Variants in PITX3 observed in about 807,000 individuals in gnomAD.
PITX3 encodes the protein paired like homeodomain 3.
PITX3 carries 4 observed loss-of-function variants against 14.2 expected under a neutral mutation model. The ratio of observed to expected loss-of-function variants is 0.28; its 90% CI spans 0.14 to 0.65. PITX3 has a LOEUF of 0.65. PITX3 is among the 30% of genes least tolerant of loss of function. PITX3 has a pLI of 0.82. For synonymous variants in PITX3, 194 were observed against 204.5 expected, an observed-to-expected ratio of 0.95 and a Z score of 0.44; for missense variants, 358 against 426.8, an observed-to-expected ratio of 0.84 and a Z score of 1.42.
intron 1 of PITX3, among the ~76,000 whole-genome samples, chr10:102,239,890 G>A (rs749854379): frequency 3.9e-5 from 6 of 152,172 alleles, no homozygotes; most frequent in Admixed American, 2.0e-4. Flanking sequence ...TGTTAGGTAG[G>A]GCCAAGATAT....
rs2070204776 is a variant in PITX3 at position 102,230,644 on chromosome 10, C to T, written c.779G>A (p.Cys260Tyr). Reference sequence around the variant, plus strand: ...CCGCAGGCTGGCCAGGCTCGAGTTACACGGGTCCCGATAGACGTAGGGGGA... The same window carrying T: ...CCGCAGGCTGGCCAGGCTCGAGTTATACGGGTCCCGATAGACGTAGGGGGA... ...ASSPYVYRDP[C>Y]NSSLASLRLK... is the part of the protein sequence containing the mutation. The change falls in exon 4 of 4, where the codon TGT becomes TAT. Residue 260 changes from cysteine to tyrosine, a missense_variant. Around this residue, in one of 3 missense-constraint regions of PITX3, gnomAD observed 236 missense variants for 250.2 expected, o/e 0.94. Coordinates refer to ENST00000370002, the MANE Select transcript of PITX3 (RefSeq NM_005029.4). 2 of 1,603,598 alleles carry T rather than the reference C, an allele frequency of 1.2e-6. No homozygotes were observed. Among genetic ancestry groups the T allele is most frequent in the Admixed American group, 1.7e-5 (1 of 58,056 alleles).
At position 102,238,197 on chromosome 10, in the gene PITX3, G is replaced by A. The variant is rs181130355; in HGVS notation, c.-13+3136C>T. Reference sequence around the variant, plus strand: ...ATTCTTTTCATGAGTCCCTGGCAGTGGCCATGGACACCCTAGACACCCCAA... The same window carrying A: ...ATTCTTTTCATGAGTCCCTGGCAGTAGCCATGGACACCCTAGACACCCCAA... On this transcript the variant is annotated intron_variant, in intron 1 of 3. Coordinates refer to ENST00000370002, the MANE Select transcript of PITX3 (RefSeq NM_005029.4). Among the ~76,000 whole-genome samples, 592 of 152,248 alleles carry A rather than the reference G, an allele frequency of 3.9e-3. 3 individuals are homozygous for A. Among genetic ancestry groups the A allele is most frequent in the Non-Finnish European group, 6.5e-3 (442 of 68,022 alleles).
intron 1 of PITX3, among the ~76,000 whole-genome samples, chr10:102,236,620 CAGGGAGGCCACAGT>C: frequency 6.6e-6 from 1 of 152,244 alleles, no homozygotes; most frequent in East Asian, 1.9e-4. Context: ...GATCCCAGGC[CAGGGAGGCCACAGT>C]GGGGAGGCCA....
At position 102,236,989 on chromosome 10, in the gene PITX3, C is replaced by T. The variant is rs138356086; in HGVS notation, c.-13+4344G>A. ...CTGCAGTGTGCAAATGGGAGCAAAT[C>T]GAGACACATTTGCAGCAAAGATTTG... is the stretch of plus-strand genomic sequence containing the variant. On this transcript the variant is annotated intron_variant, in intron 1 of 3. Transcript: ENST00000370002. Among the ~76,000 whole-genome samples the T allele has an allele frequency of 1.4e-4, 22 of 152,278 alleles. No individual in the cohort carries two copies. The East Asian group carries it at 3.9e-3, about 27-fold the overall frequency.
chr10:102,230,659 A>G lies in PITX3; in HGVS notation c.764T>C (p.Val255Ala). The change falls in exon 4 of 4, where the codon GTC (valine) becomes GCC (alanine). Residue 255 changes from valine (V) to alanine (A), a missense_variant. Val to Ala is a moderately conservative substitution (Grantham distance 64, BLOSUM62 0). Coordinates refer to ENST00000370002, the MANE Select transcript of PITX3 (RefSeq NM_005029.4). ...AAAAAASSPY[V>A]YRDPCNSSLA... ...GCTCGAGTTACACGGGTCCCGATAGACGTAGGGGGAAGAGGCGGCAGCCGC... is the reference window on the plus strand; with the variant it reads ...GCTCGAGTTACACGGGTCCCGATAGGCGTAGGGGGAAGAGGCGGCAGCCGC... 6.3e-7 allele frequency: 1 copy of G among 1,597,318 alleles called. No homozygotes were observed. The highest frequency in any genetic ancestry group is 8.5e-7 in the Non-Finnish European group (1 of 1,172,706).
rs1248201643 is a variant in PITX3 at position 102,231,675 on chromosome 10, C to G, written c.234G>C (p.Glu78Asp). The change falls in exon 3 of 4, where the codon GAG becomes GAC. Residue 78 changes from glutamate to aspartate, a missense_variant. Transcript: ENST00000370002. ...GGTAGCGGTTCCTCTGGAAGGTCGCCTCTAGCTCCTGTAGCTGCTGGCTGG... is the reference window on the plus strand; with the variant it reads ...GGTAGCGGTTCCTCTGGAAGGTCGCGTCTAGCTCCTGTAGCTGCTGGCTGG... ...HFTSQQLQEL[E>D]ATFQRNRYPD... 6.2e-7 allele frequency: 1 copy of G among 1,612,358 alleles called. No homozygotes were observed.
At chr10:102,233,524 G>A (rs372757931) in intron 1 of PITX3, among the ~76,000 whole-genome samples, 11 of 152,026 alleles carry the variant, frequency 7.2e-5, no homozygotes, top group East Asian at 3.9e-4. Flanking sequence ...GGCTGGTCTC[G>A]AACTCCTCAT....
At chr10:102,237,578 C>A (rs1331642318) in intron 1 of PITX3, among the ~76,000 whole-genome samples, 1 of 151,902 alleles carries the variant, frequency 6.6e-6, no homozygotes, top group East Asian at 1.9e-4. Flanking sequence ...GAGCAACAGC[C>A]CTGAATAAAG....
chr10:102,232,149 T>A, intron 1 of PITX3, 57 bp from the exon 2 acceptor site: 1 of 969,382 alleles, frequency 1.0e-6, no homozygotes, highest in Non-Finnish European at 1.6e-6. Context: ...CCGGCTTAGC[T>A]AGGTCCCAGC....
chr10:102,232,681 CA>C (rs1222621317), intron 1 of PITX3, among the ~76,000 whole-genome samples: 2 of 149,872 alleles, frequency 1.3e-5, no homozygotes, highest in East Asian at 2.0e-4. Flanking sequence ...GATGCTGTCT[CA>C]AAAAACAACA....
At chr10:102,232,343 G>A (rs1358706795) in intron 1 of PITX3, among the ~76,000 whole-genome samples, 1 of 152,180 alleles carries the variant, frequency 6.6e-6, no homozygotes, top group Admixed American at 6.5e-5. Flanking sequence ...AACTAGAACT[G>A]TGCCAGGTAT....
intron 1 of PITX3, among the ~76,000 whole-genome samples, chr10:102,232,420 C>T (rs897226803): frequency 4.0e-4 from 61 of 152,324 alleles, no homozygotes; most frequent in African/African-American, 9.1e-4. Context: ...CAGTGGCTCA[C>T]GCCTGTAATC....
At chr10:102,238,797 C>T (rs1459481168) in intron 1 of PITX3, among the ~76,000 whole-genome samples, 2 of 152,138 alleles carry the variant, frequency 1.3e-5, no homozygotes, top group African/African-American at 4.8e-5. Flanking sequence ...AGATTCAAAC[C>T]ATCTAGTTCT....
intron 1 of PITX3, among the ~76,000 whole-genome samples, chr10:102,240,817 C>T (rs975553560): frequency 6.6e-6 from 1 of 152,234 alleles, no homozygotes; most frequent in Admixed American, 6.5e-5. Flanking sequence ...CAACACAGCT[C>T]CTATTCCAAC....
At chr10:102,240,365 G>C (rs1439273138) in intron 1 of PITX3, among the ~76,000 whole-genome samples, 1 of 152,204 alleles carries the variant, frequency 6.6e-6, no homozygotes, top group Non-Finnish European at 1.5e-5. Flanking sequence ...GAATTGAAGG[G>C]GGCATGTGTC....
chr10:102,234,171 G>A (rs543981759), intron 1 of PITX3, among the ~76,000 whole-genome samples: 2 of 152,270 alleles, frequency 1.3e-5, no homozygotes, highest in East Asian at 3.9e-4. Flanking sequence ...GATTTATTAG[G>A]AGCCTTTCTC....
intron 1 of PITX3, among the ~76,000 whole-genome samples, chr10:102,233,288 T>G (rs962351567): frequency 5.7e-5 from 1 of 17,424 alleles, no homozygotes; most frequent in Admixed American, 4.4e-4. Flanking sequence ...GACTTCTTTC[T>G]TTTTTTTTTT....
intron 1 of PITX3, among the ~76,000 whole-genome samples, chr10:102,239,524 G>C (rs1236407487): frequency 6.6e-6 from 1 of 152,150 alleles, no homozygotes; most frequent in Non-Finnish European, 1.5e-5. Flanking sequence ...ATCAAAATAG[G>C]GCAAATGAAA....
At chr10:102,232,154 C>A in intron 1 of PITX3, 62 bp from the exon 2 acceptor site, 2 of 915,250 alleles carry the variant, frequency 2.2e-6, no homozygotes, top group South Asian at 1.4e-5. Context: ...TTAGCTAGGT[C>A]CCAGCAGCGT....
Sources: gnomAD v4.1 joint callset for allele counts (sites outside exome capture counted in the v4.1 genomes callset) on GRCh38, gnomAD v4.1.1 for gene constraint, gnomAD v4.1.1 regional missense constraint, MANE v1.5 for transcripts, NCBI Gene and HGNC (gene_info 2026-07-23, HGNC 2026-07-21) for gene names.